ARHGAP15: variants seen among roughly 807,000 people sequenced by gnomAD.
ARHGAP15 encodes the protein rho GTPase-activating protein 15.
In ARHGAP15, 51 loss-of-function variants were observed where a neutral mutation model predicts 63.7. That is an observed-to-expected ratio of 0.80 (90% confidence interval 0.64 to 1.01). The LOEUF is 1.01. Ranked by LOEUF, ARHGAP15 falls within the 50% of genes least tolerant of loss-of-function variation. The probability of loss-of-function intolerance (pLI) is 0.00; values close to 1 mark genes in which losing one functional copy is unlikely to be tolerated. For missense variants in ARHGAP15, 560 were observed against 564.6 expected, an observed-to-expected ratio of 0.99 and a Z score of 0.08; for synonymous variants, 191 against 193.8, an observed-to-expected ratio of 0.99 and a Z score of 0.12.
intron 6 of ARHGAP15, among the ~76,000 whole-genome samples, chr2:143,362,386 G>A (rs887837535): frequency 6.6e-6 from 1 of 152,242 alleles, no homozygotes; most frequent in African/African-American, 2.4e-5. Flanking sequence ...GGCTTCTTTG[G>A]CATCAGCCAG....
At chr2:143,509,382 G>C (rs1160477326) in intron 9 of ARHGAP15, among the ~76,000 whole-genome samples, 4 of 150,792 alleles carry the variant, frequency 2.7e-5, no homozygotes, top group Non-Finnish European at 5.9e-5. Context: ...TTTACTTCCA[G>C]TGCATGTCGT....
At chr2:143,430,377 A>T (rs1689332610) in intron 6 of ARHGAP15, among the ~76,000 whole-genome samples, 1 of 152,056 alleles carries the variant, frequency 6.6e-6, no homozygotes, top group African/African-American at 2.4e-5. Context: ...AATGTTAGGA[A>T]TTACTCAAAC....
rs1684179871 is a variant in ARHGAP15 at position 143,703,398 on chromosome 2, CCTTTTT to C, written c.1139-20_1139-15del. 1 of 1,590,150 alleles carries C rather than the reference CCTTTTT, an allele frequency of 6.3e-7. No homozygotes were observed. On this transcript the variant is annotated splice_polypyrimidine_tract_variant and intron_variant, in intron 12 of 13. Transcript: ENST00000295095. ...GAAATCTTGTTTTTTCCCTAACCTT[CCTTTTT>C]ATTTTTTTTTCCAGAAAAGCAAGAC...
rs1173146896 is a variant in ARHGAP15 at position 143,456,332 on chromosome 2, A to G, written c.703+19290A>G. Among the ~76,000 whole-genome samples, 4 of 152,154 alleles carry G rather than the reference A, an allele frequency of 2.6e-5. No individual in the cohort carries two copies. The East Asian group carries it at 7.7e-4, about 29-fold the overall frequency. On this transcript the variant is annotated intron_variant, in intron 8 of 13. Coordinates refer to ENST00000295095, the MANE Select transcript of ARHGAP15 (RefSeq NM_018460.4). ...GGTAAACATATAAATGACAGAGGGC[A>G]ACTTAATTGGAGGTTGTAGAGAAAT...
intron 1 of ARHGAP15, among the ~76,000 whole-genome samples, chr2:143,153,805 T>TCTC (rs1348787438): frequency 3.3e-4 from 22 of 66,510 alleles, no homozygotes; most frequent in African/African-American, 1.1e-3. Context: ...TTCTTCTTCT[T>TCTC]CTTCTTCTTC....
intron 6 of ARHGAP15, among the ~76,000 whole-genome samples, chr2:143,336,403 A>G (rs1343756190): frequency 3.3e-5 from 5 of 152,180 alleles, no homozygotes; most frequent in African/African-American, 7.2e-5. Context: ...ACCAGTTTAG[A>G]AATAGTTTGG....
intron 6 of ARHGAP15, among the ~76,000 whole-genome samples, chr2:143,342,904 C>CT (rs35856257): frequency 6.6e-6 from 1 of 151,840 alleles, no homozygotes; most frequent in Non-Finnish European, 1.5e-5. Flanking sequence ...TTGTTTTAAT[C>CT]TTTTTTTGTA....
At chr2:143,595,579 T>C (rs1697483636) in intron 11 of ARHGAP15, among the ~76,000 whole-genome samples, 1 of 152,130 alleles carries the variant, frequency 6.6e-6, no homozygotes, top group South Asian at 2.1e-4. Context: ...ATGTTTAATT[T>C]TGTACCCTCA....
At chr2:143,236,180 A>G (rs981387406) in intron 5 of ARHGAP15, 2 of 521,686 alleles carry the variant, frequency 3.8e-6, no homozygotes, top group Admixed American at 7.7e-5. Context: ...GAAATATTCA[A>G]ATGAATAGTA....
At chr2:143,459,142 A>G (rs1690802492) in intron 8 of ARHGAP15, among the ~76,000 whole-genome samples, 1 of 152,196 alleles carries the variant, frequency 6.6e-6, no homozygotes. Context: ...GGGATGCCAG[A>G]TTAAGACTTG....
intron 11 of ARHGAP15, among the ~76,000 whole-genome samples, chr2:143,572,768 C>T (rs562339112): frequency 6.6e-5 from 10 of 152,184 alleles, no homozygotes; most frequent in African/African-American, 1.9e-4. Context: ...CCTAAATCCA[C>T]GCGTGATTTC....
intron 6 of ARHGAP15, among the ~76,000 whole-genome samples, chr2:143,367,227 C>A (rs72852722): frequency 6.6e-6 from 1 of 151,938 alleles, no homozygotes; most frequent in Non-Finnish European, 1.5e-5. Context: ...TGAAGATCCC[C>A]CAAAATTAAT....
intron 12 of ARHGAP15, among the ~76,000 whole-genome samples, chr2:143,668,504 G>T (rs1171580132): frequency 6.6e-6 from 1 of 152,260 alleles, no homozygotes; most frequent in South Asian, 2.1e-4. Flanking sequence ...ACAAATGAGA[G>T]ACTAGCATTC....
intron 6 of ARHGAP15, among the ~76,000 whole-genome samples, chr2:143,405,128 C>T (rs1012517491): frequency 6.6e-6 from 1 of 151,826 alleles, no homozygotes; most frequent in Non-Finnish European, 1.5e-5. Flanking sequence ...ATTTGTAATG[C>T]AAATAAATCT....
chr2:143,706,903 T>C (rs1684352596), intron 13 of ARHGAP15, among the ~76,000 whole-genome samples: 1 of 152,128 alleles, frequency 6.6e-6, no homozygotes, highest in Admixed American at 6.6e-5. Context: ...CAAAACTGTC[T>C]CTATAAAATA....
chr2:143,652,166 A>G (rs1254227346), intron 12 of ARHGAP15, among the ~76,000 whole-genome samples: 2 of 151,820 alleles, frequency 1.3e-5, no homozygotes, highest in African/African-American at 4.8e-5. Flanking sequence ...TCTTATTCAA[A>G]CTTGTTTTTG....
chr2:143,703,912 C>G (rs13401442), intron 13 of ARHGAP15: 1 of 154,418 alleles, frequency 6.5e-6, no homozygotes, highest in African/African-American at 2.4e-5. Context: ...AAATAAGTTA[C>G]TTAAACCCTC....
chr2:143,137,167 A>G (rs1328416493), intron 1 of ARHGAP15, among the ~76,000 whole-genome samples: 1 of 151,972 alleles, frequency 6.6e-6, no homozygotes, highest in Non-Finnish European at 1.5e-5. Flanking sequence ...TTTCCTTCAT[A>G]TTAGTTTGGC....
intron 6 of ARHGAP15, among the ~76,000 whole-genome samples, chr2:143,392,868 T>C (rs1049445615): frequency 1.3e-5 from 2 of 149,722 alleles, no homozygotes; most frequent in East Asian, 3.8e-4. Context: ...ATTAGAAACT[T>C]TTTTTCAAAC....
Sources: gnomAD v4.1 joint callset for allele counts (sites outside exome capture counted in the v4.1 genomes callset) on GRCh38, gnomAD v4.1.1 for gene constraint, MANE v1.5 for transcripts, NCBI Gene and HGNC (gene_info 2026-07-23, HGNC 2026-07-21) for gene names.